FSTL5: variants seen among roughly 807,000 people sequenced by gnomAD.
FSTL5 encodes follistatin like 5.
FSTL5 carries 62 observed loss-of-function variants against 89.1 expected under a neutral mutation model. That is an observed-to-expected ratio of 0.70 (90% CI 0.57 to 0.86). The LOEUF (loss-of-function observed/expected upper bound fraction) is 0.86. Ranked by LOEUF, FSTL5 falls within the 40% of genes least tolerant of loss-of-function variation. The probability of loss-of-function intolerance (pLI) is 0.00; values close to 1 mark genes in which losing one functional copy is unlikely to be tolerated. For synonymous variants in FSTL5, 383 were observed against 346.2 expected, an observed-to-expected ratio of 1.11 and a Z score of -1.18; for missense variants, 1,057 against 1,001.6, an observed-to-expected ratio of 1.06 and a Z score of -0.75.
At chr4:161,452,902 A>G (rs777897609) in intron 15 of FSTL5, among the ~76,000 whole-genome samples, 2 of 152,208 alleles carry the variant, frequency 1.3e-5, no homozygotes, top group Admixed American at 1.3e-4. Context: ...AATATATAGA[A>G]CTAAAATAAA....
At chr4:161,498,621 C>T (rs543687075) in intron 12 of FSTL5, among the ~76,000 whole-genome samples, 124 of 152,170 alleles carry the variant, frequency 8.1e-4, no homozygotes, top group African/African-American at 2.9e-3. Context: ...TCGTTAGCTG[C>T]AAAACTGCTA....
intron 2 of FSTL5, among the ~76,000 whole-genome samples, chr4:162,081,523 C>G (rs1730096879): frequency 6.6e-6 from 1 of 151,514 alleles, no homozygotes; most frequent in South Asian, 2.1e-4. Flanking sequence ...TCTTCACCCT[C>G]CAAAGGCCAA....
chr4:162,139,495 T>C (rs1194890774), intron 1 of FSTL5, among the ~76,000 whole-genome samples: 1 of 151,532 alleles, frequency 6.6e-6, no homozygotes, highest in Non-Finnish European at 1.5e-5. Context: ...CACATACACA[T>C]ATACACCACA....
intron 7 of FSTL5, among the ~76,000 whole-genome samples, chr4:161,612,129 T>TA (rs1485307661): frequency 9.2e-5 from 14 of 152,194 alleles, no homozygotes; most frequent in Admixed American, 2.0e-4. Context: ...ATTGCAGAAT[T>TA]TCAACCAATT....
At chr4:161,934,695 T>C (rs1734385832) in intron 3 of FSTL5, among the ~76,000 whole-genome samples, 1 of 152,060 alleles carries the variant, frequency 6.6e-6, no homozygotes, top group Non-Finnish European at 1.5e-5. Flanking sequence ...TTCATAGATA[T>C]AAATCAATGT....
chr4:161,797,764 C>T (rs1401894829), intron 4 of FSTL5, among the ~76,000 whole-genome samples: 1 of 151,372 alleles, frequency 6.6e-6, no homozygotes, highest in Non-Finnish European at 1.5e-5. Flanking sequence ...TTTGATGCTT[C>T]GTTAATATGA....
At chr4:161,499,559 C>T (rs1402271415) in intron 12 of FSTL5, among the ~76,000 whole-genome samples, 5 of 151,990 alleles carry the variant, frequency 3.3e-5, no homozygotes, top group African/African-American at 1.2e-4. Flanking sequence ...TCTGAATTGT[C>T]CATTCCAATG....
chr4:161,707,843 T>C (rs1738633821), intron 6 of FSTL5, among the ~76,000 whole-genome samples: 2 of 151,954 alleles, frequency 1.3e-5, no homozygotes, highest in Non-Finnish European at 2.9e-5. Flanking sequence ...GTTCATTTCA[T>C]TGATATTTGG....
At chr4:161,930,364 T>G (rs1734253286) in intron 3 of FSTL5, among the ~76,000 whole-genome samples, 1 of 151,996 alleles carries the variant, frequency 6.6e-6, no homozygotes, top group South Asian at 2.1e-4. Context: ...AAAATACTGA[T>G]TAGTTCATTA....
chr4:161,956,514 A>G (rs1735030383), intron 3 of FSTL5, among the ~76,000 whole-genome samples: 1 of 151,976 alleles, frequency 6.6e-6, no homozygotes, highest in Non-Finnish European at 1.5e-5. Context: ...TTGCAGAAAC[A>G]GAAAATATTT....
At chr4:161,686,473 C>T (rs1737750413) in intron 6 of FSTL5, among the ~76,000 whole-genome samples, 1 of 147,558 alleles carries the variant, frequency 6.8e-6, no homozygotes, top group Non-Finnish European at 1.5e-5. Context: ...ATTCTCCTGC[C>T]TCAGCCTCCT....
At chr4:161,870,512 AGTC>A (rs1732231363) in intron 4 of FSTL5, among the ~76,000 whole-genome samples, 1 of 152,144 alleles carries the variant, frequency 6.6e-6, no homozygotes, top group Non-Finnish European at 1.5e-5. Context: ...CACATCATAG[AGTC>A]GTCCATGAAT....
Position 162,109,238 on chromosome 4 carries a change from G to A in FSTL5, c.126+2033C>T, listed in dbSNP as rs113584951. ...TCTTCAAGGTGTCAGAGAAAAGAAG[G>A]TAATTCCTGAGGGCTGAATATGAGG... On this transcript the variant is annotated intron_variant, in intron 2 of 15. Transcript: ENST00000306100. Among the ~76,000 whole-genome samples, 797 of 152,160 alleles carry A rather than the reference G, an allele frequency of 5.2e-3. 9 individuals carry two copies. Among genetic ancestry groups the A allele is most frequent in the African/African-American group, 0.018 (736 of 41,542 alleles).
intron 7 of FSTL5, among the ~76,000 whole-genome samples, chr4:161,621,667 C>T (rs1224909636): frequency 6.6e-6 from 1 of 151,744 alleles, no homozygotes; most frequent in Non-Finnish European, 1.5e-5. Flanking sequence ...ATAAAGGAAA[C>T]ATTAAGACAA....
chr4:161,539,815 T>G (rs1460488836), intron 9 of FSTL5, among the ~76,000 whole-genome samples: 1 of 152,042 alleles, frequency 6.6e-6, no homozygotes, highest in Non-Finnish European at 1.5e-5. Context: ...TATAGGAACC[T>G]GCTCTAAAGA....
Position 161,973,962 on chromosome 4 carries a change from C to T in FSTL5, c.161-53310G>A, listed in dbSNP as rs999554743. Among the ~76,000 whole-genome samples the T allele has an allele frequency of 4.6e-5, 7 of 151,910 alleles. No individual in the cohort carries two copies. In the South Asian group the frequency reaches 1.2e-3, roughly 27 times the overall value. ...AATCACAAGCATTCTTATACACCAA[C>T]AACAGACAAACAGAGAGCCAAATCA... is the stretch of plus-strand genomic sequence containing the variant. On this transcript the variant is annotated intron_variant, in intron 3 of 15. Coordinates refer to ENST00000306100, the MANE Select transcript of FSTL5 (RefSeq NM_020116.5).
At chr4:161,916,839 G>A (rs2110849846) in intron 4 of FSTL5, among the ~76,000 whole-genome samples, 1 of 152,068 alleles carries the variant, frequency 6.6e-6, no homozygotes, top group Non-Finnish European at 1.5e-5. Context: ...ACAGATATAG[G>A]TATATAAAAA....
chr4:162,045,441 T>C lies in FSTL5; in HGVS notation c.127-11783A>G, dbSNP rs183704337. ...TCAAGCTCTCTTCCTGATTTGATCA[T>C]CACAATTTCATGCTTCTATCAAAAT... is the stretch of plus-strand genomic sequence containing the variant. On this transcript the variant is annotated intron_variant, in intron 2 of 15. Coordinates refer to ENST00000306100, the MANE Select transcript of FSTL5 (RefSeq NM_020116.5). Among the ~76,000 whole-genome samples, 702 of 152,242 alleles carry C rather than the reference T, an allele frequency of 4.6e-3. 6 individuals are homozygous for C. Among genetic ancestry groups the C allele is most frequent in the African/African-American group, 0.016 (672 of 41,554 alleles).
chr4:161,684,215 G>A (rs142287352), intron 6 of FSTL5, among the ~76,000 whole-genome samples: 115 of 152,172 alleles, frequency 7.6e-4, no homozygotes, highest in African/African-American at 2.5e-3. Flanking sequence ...TTTTGCAATT[G>A]CGAATTGTTA....
Sources: gnomAD v4.1 joint callset for allele counts (sites outside exome capture counted in the v4.1 genomes callset) on GRCh38, gnomAD v4.1.1 for gene constraint, MANE v1.5 for transcripts, NCBI Gene and HGNC (gene_info 2026-07-23, HGNC 2026-07-21) for gene names.